Variants in GET4 observed in about 807,000 individuals in gnomAD.
The protein encoded by GET4 is guided entry of tail-anchored proteins factor 4, also known as Golgi to ER traffic protein 4 homolog.
GET4 carries 20 observed loss-of-function variants against 40.0 expected under a neutral mutation model. The ratio of observed to expected loss-of-function variants is 0.50; its 90% CI spans 0.35 to 0.73. GET4 has a LOEUF of 0.73. GET4 is among the 30% of genes least tolerant of loss of function. The probability of loss-of-function intolerance (pLI) is 0.01; values close to 1 mark genes in which losing one functional copy is unlikely to be tolerated. For synonymous variants in GET4, 280 were observed against 194.6 expected (o/e 1.44, Z -3.65); for missense variants, 557 against 454.0 (o/e 1.23, Z -2.06).
At chr7:888,019 C>T (rs938484264) in intron 4 of GET4, among the ~76,000 whole-genome samples, 1 of 152,140 alleles carries the variant, frequency 6.6e-6, no homozygotes, top group African/African-American at 2.4e-5. Flanking sequence ...CATTGAGTGA[C>T]TTGAACGAGG....
At chr7:890,508 G>T (rs539210792) in intron 4 of GET4, among the ~76,000 whole-genome samples, 1 of 152,196 alleles carries the variant, frequency 6.6e-6, no homozygotes, top group East Asian at 1.9e-4. Context: ...TGTTGGGTCA[G>T]TGTGGTGAGA....
At chr7:892,181 C>A in intron 5 of GET4, 97 bp from the exon 6 acceptor site, 1 of 1,281,326 alleles carries the variant, frequency 7.8e-7, no homozygotes, top group Non-Finnish European at 1.1e-6. Context: ...GAACCGTGGG[C>A]GCACGAGCTT....
chr7:879,676 C>T (rs1339305163), intron 1 of GET4: 8 of 152,216 alleles, frequency 5.3e-5, no homozygotes, highest in Non-Finnish European at 7.3e-5. Context: ...GTTGTAGATG[C>T]TTTTCTTCTT....
At chr7:880,792 C>T (rs922153155) in intron 1 of GET4, 1 of 152,250 alleles carries the variant, frequency 6.6e-6, no homozygotes, top group African/African-American at 2.4e-5. Context: ...GGGTAGAATT[C>T]CGTGTGGATT....
At chr7:879,584 C>A (rs1230838769) in intron 1 of GET4, among the ~76,000 whole-genome samples, 1 of 152,206 alleles carries the variant, frequency 6.6e-6, no homozygotes, top group African/African-American at 2.4e-5. Flanking sequence ...ACCTGAAGGG[C>A]AGCCTTGTTT....
At chr7:887,559 T>C in intron 4 of GET4, 40 bp downstream of exon 4, 1 of 1,454,826 alleles carries the variant, frequency 6.9e-7, no homozygotes, top group Non-Finnish European at 9.2e-7. Context: ...ACCTCTCTGC[T>C]CTCGGCGTTG....
At chr7:886,310 A>G (rs1844187022) in intron 2 of GET4, 176 bp downstream of exon 2, 6 of 614,684 alleles carry the variant, frequency 9.8e-6, no homozygotes, top group East Asian at 2.7e-5. Context: ...TCCACTCTCA[A>G]GACTGGGGCT....
intron 1 of GET4, chr7:883,389 C>T (rs992754666): frequency 4.6e-6 from 2 of 434,532 alleles, no homozygotes; most frequent in Non-Finnish European, 6.1e-6. Context: ...GCGGGATTCG[C>T]CCCATGAGCT....
chr7:881,567 C>T (rs1406029328), intron 1 of GET4: 5 of 152,234 alleles, frequency 3.3e-5, no homozygotes, highest in Admixed American at 2.0e-4. Context: ...TTTATCCCTT[C>T]AGCTGTCGGG....
intron 1 of GET4, chr7:883,681 G>A (rs1844130117): frequency 2.0e-5 from 20 of 985,606 alleles, no homozygotes; most frequent in Non-Finnish European, 2.3e-5. Flanking sequence ...GAGCCGGGCC[G>A]GGAGAAGGCC....
rs767274141 is a variant in GET4 at position 893,785 on chromosome 7, A to C, written c.792A>C (p.Pro264=). The change falls in exon 7 of 9, where the codon CCA becomes CCC. Residue 264 remains proline, a synonymous_variant. Coordinates refer to ENST00000265857, the MANE Select transcript of GET4 (RefSeq NM_015949.3). ...CTGTGCTGTGTGAGCAGTACCAGCC[A>C]TCCCTCCGGCGGGACCCCATGTACA... The part of the protein sequence containing the change: ...VFTVLCEQYQ[P]SLRRDPMYNE... 4 of 1,611,700 alleles carry C rather than the reference A, an allele frequency of 2.5e-6. No individual in the cohort carries two copies. The Admixed American group carries it at 5.0e-5, about 20-fold the overall frequency.
chr7:885,464 T>G (rs990254962), intron 1 of GET4: 1 of 153,268 alleles, frequency 6.5e-6, no homozygotes, highest in African/African-American at 2.4e-5. Flanking sequence ...GCTCCAGCTT[T>G]CCCTGCCAGC....
At chr7:886,777 C>T (rs920481003) in intron 3 of GET4, 127 bp downstream of exon 3, 1 of 689,788 alleles carries the variant, frequency 1.4e-6, no homozygotes, top group Non-Finnish European at 2.6e-6. Context: ...AACTCTGCTG[C>T]AGAGGCAGTT....
chr7:883,074 CT>C (rs1361773133), intron 1 of GET4: 1 of 152,230 alleles, frequency 6.6e-6, no homozygotes, highest in Non-Finnish European at 1.5e-5. Flanking sequence ...CGGTGCACCC[CT>C]AGCCCAGGGC....
At chr7:883,397 G>A (rs1024017970) in intron 1 of GET4, 18 of 525,540 alleles carry the variant, frequency 3.4e-5, no homozygotes, top group African/African-American at 3.3e-4. Context: ...CGCCCCATGA[G>A]CTCGGTCTTT....
At position 895,460 on chromosome 7, in the gene GET4, G is replaced by A. The variant is rs369707708; in HGVS notation, c.*38G>A. On this transcript the variant is annotated 3_prime_UTR_variant, in exon 9 of 9. Coordinates refer to ENST00000265857, the MANE Select transcript of GET4 (RefSeq NM_015949.3). The stretch of plus-strand genomic sequence containing the variant: ...ACGTGGAGACACCACGGTCGACGAC[G>A]GCTGGAGGGACGTTTCAGAGGCGAG... 723 of 1,101,490 alleles carry A rather than the reference G, an allele frequency of 6.6e-4. 1 individual carries two copies. The highest frequency in any genetic ancestry group is 7.4e-4 in the Non-Finnish European group (538 of 726,420). 68.2% of individuals were successfully genotyped at this position (1,101,490 alleles called of 1,614,324 possible). A position where few individuals can be genotyped will look rare whatever the true frequency, so the allele number is the denominator to read the frequency against.
At chr7:893,140 CAGGTGAGTGTTGGGTGT>C (rs1206816277) in intron 6 of GET4, among the ~76,000 whole-genome samples, 68 of 111,520 alleles carry the variant, frequency 6.1e-4, no homozygotes, top group African/African-American at 2.3e-3. Flanking sequence ...GTGGTGTGTG[CAGGTGAGTGTTGGGTGT>C]AGGCGTGGTG....
Position 886,075 on chromosome 7 carries a change from C to G in GET4, c.175C>G (p.His59Asp). 2 of 1,607,880 alleles carry G rather than the reference C, an allele frequency of 1.2e-6. No homozygotes were observed. The highest frequency in any genetic ancestry group is 1.7e-4 in the Middle Eastern group (1 of 6,052). ...LFFRYMSQSK[H>D]TEARELMYSG... is the part of the protein sequence containing the mutation. ...TGGCAGGTACATGTCCCAGAGCAAG[C>G]ACACGGAGGCCCGGGAGCTCATGTA... The change falls in exon 2 of 9, where the codon CAC becomes GAC. Residue 59 changes from histidine to aspartate, a missense_variant. By Grantham distance (81) the His-to-Asp change is moderately conservative (BLOSUM62 -1). Coordinates refer to ENST00000265857, the MANE Select transcript of GET4 (RefSeq NM_015949.3).
intron 8 of GET4, among the ~76,000 whole-genome samples, chr7:894,832 AGTT>A (rs1251866432): frequency 6.6e-6 from 1 of 152,296 alleles, no homozygotes; most frequent in African/African-American, 2.4e-5. Context: ...CGTACAGAGT[AGTT>A]GTTGATTGGA....
Sources: gnomAD v4.1 joint callset for allele counts (sites outside exome capture counted in the v4.1 genomes callset) on GRCh38, gnomAD v4.1.1 for gene constraint, MANE v1.5 for transcripts, NCBI Gene and HGNC (gene_info 2026-07-23, HGNC 2026-07-21) for gene names.